Variants in FRMPD1 observed in about 807,000 individuals in gnomAD.
FRMPD1 encodes the protein FERM and PDZ domain-containing protein 1.
A neutral mutation model predicts 117.8 loss-of-function variants in FRMPD1; 76 were observed. The observed-to-expected ratio is 0.65, with a 90% CI of 0.54 to 0.78. The LOEUF (loss-of-function observed/expected upper bound fraction) is 0.78. Among genes scored for constraint, FRMPD1 ranks in the 30% least tolerant of loss-of-function variants. The probability of loss-of-function intolerance (pLI) is 0.00; values close to 1 mark genes in which losing one functional copy is unlikely to be tolerated. For missense variants in FRMPD1, 1,786 were observed against 1,964.5 expected, an observed-to-expected ratio of 0.91 and a Z score of 1.72; for synonymous variants, 783 against 770.4, an observed-to-expected ratio of 1.02 and a Z score of -0.27.
intron 15 of FRMPD1, among the ~76,000 whole-genome samples, chr9:37,741,687 C>T (rs1824430027): frequency 6.6e-6 from 1 of 152,202 alleles, no homozygotes; most frequent in South Asian, 2.1e-4. Flanking sequence ...CCATCAGGCC[C>T]TTTGAGGCCC....
chr9:37,712,706 G>A (rs1477830636), intron 5 of FRMPD1, among the ~76,000 whole-genome samples: 1 of 152,132 alleles, frequency 6.6e-6, no homozygotes, highest in Non-Finnish European at 1.5e-5. Context: ...TACACTCAGA[G>A]TAAAATTCAT....
intron 10 of FRMPD1, among the ~76,000 whole-genome samples, chr9:37,733,105 G>A (rs938493123): frequency 4.6e-5 from 7 of 152,166 alleles, no homozygotes; most frequent in Non-Finnish European, 1.0e-4. Context: ...TTAGCCTAGG[G>A]GATTCACAGG....
intron 1 of FRMPD1, among the ~76,000 whole-genome samples, chr9:37,662,967 C>T (rs1239625974): frequency 6.6e-6 from 1 of 152,188 alleles, no homozygotes; most frequent in African/African-American, 2.4e-5. Context: ...TTTTCAAAGA[C>T]AGTTTCAATT....
intron 1 of FRMPD1, among the ~76,000 whole-genome samples, chr9:37,670,542 G>A (rs1265286058): frequency 6.6e-6 from 1 of 152,212 alleles, no homozygotes; most frequent in East Asian, 1.9e-4. Flanking sequence ...GAGGCTCAGT[G>A]CAATTTGTTA....
intron 15 of FRMPD1, 155 bp downstream of exon 15, chr9:37,741,039 A>C: frequency 1.6e-6 from 1 of 632,052 alleles, no homozygotes; most frequent in East Asian, 2.8e-5. Context: ...CATGGACCAA[A>C]TTTTAGGCAT....
chr9:37,716,665 T>C (rs1823133728), intron 5 of FRMPD1, among the ~76,000 whole-genome samples: 2 of 152,196 alleles, frequency 1.3e-5, no homozygotes, highest in Admixed American at 1.3e-4. Flanking sequence ...TTTTATTCCT[T>C]TGAGTCTTTG....
chr9:37,720,668 CA>C (rs1212957282), intron 6 of FRMPD1, among the ~76,000 whole-genome samples: 15 of 144,586 alleles, frequency 1.0e-4, no homozygotes, highest in Admixed American at 2.8e-4. Context: ...GACTCCATCT[CA>C]AAAAAAAAAG....
chr9:37,731,245 C>A (rs558241899), intron 9 of FRMPD1, 142 bp downstream of exon 9: 1 of 724,918 alleles, frequency 1.4e-6, no homozygotes, highest in Non-Finnish European at 2.4e-6. Flanking sequence ...GCCTGATCAT[C>A]GCTCAGAATT....
the FRMPD1 span, chr9:37,636,827 G>T: frequency 6.2e-7 from 1 of 1,612,072 alleles, no homozygotes; most frequent in Non-Finnish European, 8.5e-7. Flanking sequence ...CTCGACATTG[G>T]TGGCATTCTT....
chr9:37,617,876 G>A, the FRMPD1 span, among the ~76,000 whole-genome samples: 6 of 152,274 alleles, frequency 3.9e-5, no homozygotes, highest in East Asian at 1.9e-4. Context: ...CTGCCCTTTC[G>A]TGGGTCCCAG....
the FRMPD1 span, chr9:37,637,035 C>A: frequency 6.5e-7 from 1 of 1,548,604 alleles, no homozygotes; most frequent in Non-Finnish European, 8.9e-7. Context: ...ACGTCATATA[C>A]CACGAGGAAG....
chr9:37,720,903 C>T (rs1042777625), intron 6 of FRMPD1, among the ~76,000 whole-genome samples: 2 of 152,170 alleles, frequency 1.3e-5, no homozygotes, highest in African/African-American at 4.8e-5. Context: ...AATTAAGTTT[C>T]GATTCAACAC....
At chr9:37,703,772 A>T (rs1822610292) in intron 2 of FRMPD1, among the ~76,000 whole-genome samples, 1 of 152,206 alleles carries the variant, frequency 6.6e-6, no homozygotes, top group Non-Finnish European at 1.5e-5. Flanking sequence ...TAGATATTTC[A>T]TGTTAATGGA....
the FRMPD1 span, among the ~76,000 whole-genome samples, chr9:37,640,894 A>G: frequency 6.6e-5 from 10 of 152,110 alleles, no homozygotes; most frequent in Non-Finnish European, 1.2e-4. Context: ...TTATTTATTT[A>G]TTTAGAGACA....
intron 1 of FRMPD1, among the ~76,000 whole-genome samples, chr9:37,651,430 C>T (rs145963567): frequency 6.6e-6 from 1 of 152,352 alleles, no homozygotes; most frequent in African/African-American, 2.4e-5. Flanking sequence ...TCTGAGTGAC[C>T]TCAGACCAAC....
chr9:37,675,840 G>A (rs1221168492), intron 1 of FRMPD1, among the ~76,000 whole-genome samples: 1 of 152,196 alleles, frequency 6.6e-6, no homozygotes, highest in Non-Finnish European at 1.5e-5. Context: ...GCAGTGCCAG[G>A]GCAAAACGAG....
At chr9:37,606,586 C>G in the FRMPD1 span, among the ~76,000 whole-genome samples, 1 of 152,222 alleles carries the variant, frequency 6.6e-6, no homozygotes, top group African/African-American at 2.4e-5. Flanking sequence ...CTGGCACCAC[C>G]ACGCTGAATA....
At chr9:37,660,815 C>T (rs1820979826) in intron 1 of FRMPD1, among the ~76,000 whole-genome samples, 1 of 152,136 alleles carries the variant, frequency 6.6e-6, no homozygotes, top group African/African-American at 2.4e-5. Context: ...TGGGCAGGGA[C>T]CGAGCCTTGC....
At chr9:37,728,458 G>C (rs10117662) in intron 7 of FRMPD1, among the ~76,000 whole-genome samples, 32,314 of 152,072 alleles carry the variant, frequency 0.21, 3,739 homozygotes, top group East Asian at 0.31. Context: ...GAGTAATGGG[G>C]AAAGTATACT....
Sources: gnomAD v4.1 joint callset for allele counts (sites outside exome capture counted in the v4.1 genomes callset) on GRCh38, gnomAD v4.1.1 for gene constraint, MANE v1.5 for transcripts, NCBI Gene and HGNC (gene_info 2026-07-23, HGNC 2026-07-21) for gene names.